Variants in FOXP1 observed in about 807,000 individuals in gnomAD.
FOXP1 encodes the protein forkhead box protein P1.
Under a neutral mutation model 98.2 loss-of-function variants are expected in FOXP1, and 15 were observed. The observed-to-expected ratio is 0.15, with a 90% CI of 0.10 to 0.24. The LOEUF (loss-of-function observed/expected upper bound fraction) is 0.24, where lower values mean the gene tolerates loss of function less well. Ranked by LOEUF, FOXP1 falls within the 10% of genes least tolerant of loss-of-function variation. FOXP1 has a pLI of 1.00. For synonymous variants in FOXP1, 371 were observed against 314.5 expected, an observed-to-expected ratio of 1.18 and a Z score of -1.90; for missense variants, 633 against 848.5, an observed-to-expected ratio of 0.75 and a Z score of 3.15.
chr3:71,543,961 C>T (rs942570439), intron 2 of FOXP1, among the ~76,000 whole-genome samples: 1 of 150,356 alleles, frequency 6.7e-6, no homozygotes, highest in Non-Finnish European at 1.5e-5. Flanking sequence ...ATATGCTGTG[C>T]CTGTGTGTGT....
At position 71,262,264 on chromosome 3, in the gene FOXP1, C is replaced by CAAAAAAAAAA. The variant is rs71104433; in HGVS notation, c.-12+37546_-12+37555dup. On this transcript the variant is annotated intron_variant, in intron 5 of 20. Transcript: ENST00000649528. ...CTGGCAACAGGACAAGACTCTGTCA[C>CAAAAAAAAAA]AAAAAAAAAAAAAAAAAAAAAAAAA... Among the ~76,000 whole-genome samples the CAAAAAAAAAA allele has an allele frequency of 1.3e-3, 33 of 25,714 alleles. 4 individuals are homozygous for CAAAAAAAAAA. Among genetic ancestry groups the CAAAAAAAAAA allele is most frequent in the East Asian group, 3.1e-3 (2 of 640 alleles). 16.9% of individuals were successfully genotyped at this position (25,714 alleles called of 152,430 possible). A position where few individuals can be genotyped will look rare whatever the true frequency, so the allele number is the denominator to read the frequency against.
intron 20 of FOXP1, among the ~76,000 whole-genome samples, chr3:70,965,233 C>T (rs2034499412): frequency 6.6e-6 from 1 of 152,242 alleles, no homozygotes; most frequent in South Asian, 2.1e-4. Context: ...CTCACAGGGG[C>T]ATCACAGTCT....
At chr3:71,153,953 T>C (rs879129917) in intron 6 of FOXP1, among the ~76,000 whole-genome samples, 2 of 152,206 alleles carry the variant, frequency 1.3e-5, no homozygotes, top group Admixed American at 6.5e-5. Flanking sequence ...ACTAGGTCCA[T>C]AGTGATTATG....
At chr3:71,409,889 C>A (rs1172277404) in intron 3 of FOXP1, among the ~76,000 whole-genome samples, 1 of 152,090 alleles carries the variant, frequency 6.6e-6, no homozygotes, top group Non-Finnish European at 1.5e-5. Flanking sequence ...GTAGCATGTG[C>A]CTGTAGTCTC....
intron 2 of FOXP1, among the ~76,000 whole-genome samples, chr3:71,535,549 A>C (rs549304901): frequency 6.6e-6 from 1 of 152,182 alleles, no homozygotes; most frequent in Non-Finnish European, 1.5e-5. Flanking sequence ...TAACAACAAC[A>C]ACAACAACAA....
At chr3:70,967,702 T>TTTTG (rs1288376546) in intron 19 of FOXP1, among the ~76,000 whole-genome samples, 16 of 119,162 alleles carry the variant, frequency 1.3e-4, no homozygotes, top group African/African-American at 6.8e-4. Context: ...TTTTTTTTGT[T>TTTTG]TTTTTTTGTT....
At chr3:71,504,997 G>C (rs2041699104) in intron 2 of FOXP1, among the ~76,000 whole-genome samples, 1 of 152,158 alleles carries the variant, frequency 6.6e-6, no homozygotes, top group South Asian at 2.1e-4. Flanking sequence ...AACGAACCAA[G>C]GCTGGTGAAG....
chr3:71,474,929 A>T (rs1265988423), intron 3 of FOXP1, among the ~76,000 whole-genome samples: 1 of 152,082 alleles, frequency 6.6e-6, no homozygotes, highest in African/African-American at 2.4e-5. Context: ...GGTGCCAACA[A>T]GGCTGGAGAA....
At chr3:71,266,560 T>C (rs1347150242) in intron 5 of FOXP1, among the ~76,000 whole-genome samples, 1 of 152,050 alleles carries the variant, frequency 6.6e-6, no homozygotes, top group Non-Finnish European at 1.5e-5. Flanking sequence ...CCCCCAACTT[T>C]TGCTTATTTT....
At chr3:71,521,518 C>A (rs550776130) in intron 2 of FOXP1, among the ~76,000 whole-genome samples, 26 of 148,394 alleles carry the variant, frequency 1.8e-4, no homozygotes, top group East Asian at 2.0e-4. Flanking sequence ...CAGAGTGAGA[C>A]CCTGTCTCAA....
intron 5 of FOXP1, among the ~76,000 whole-genome samples, chr3:71,210,498 T>G (rs994725177): frequency 6.6e-6 from 1 of 152,154 alleles, no homozygotes; most frequent in Non-Finnish European, 1.5e-5. Context: ...TAACACCTGA[T>G]GGACATGCAG....
At chr3:71,038,929 G>T (rs552641749) in intron 11 of FOXP1, among the ~76,000 whole-genome samples, 1 of 152,114 alleles carries the variant, frequency 6.6e-6, no homozygotes, top group Non-Finnish European at 1.5e-5. Flanking sequence ...GCCTCACAAA[G>T]TGCTGAGATT....
intron 3 of FOXP1, among the ~76,000 whole-genome samples, chr3:71,431,601 G>T (rs1221854307): frequency 6.6e-6 from 1 of 152,136 alleles, no homozygotes. Flanking sequence ...TGGTCCATCT[G>T]GTCCCACACA....
At chr3:71,269,195 T>C (rs560084616) in intron 5 of FOXP1, among the ~76,000 whole-genome samples, 2 of 151,092 alleles carry the variant, frequency 1.3e-5, no homozygotes, top group Non-Finnish European at 2.9e-5. Context: ...ATAAAAATCA[T>C]CTCGAAAACA....
At chr3:71,171,098 C>CT (rs11386859) in intron 6 of FOXP1, among the ~76,000 whole-genome samples, 104,118 of 145,144 alleles carry the variant, frequency 0.72, 39,404 homozygotes, top group East Asian at 0.88. Flanking sequence ...TACACACTCA[C>CT]TTTTTTTTTT....
intron 4 of FOXP1, among the ~76,000 whole-genome samples, chr3:71,358,007 C>G (rs931661200): frequency 2.6e-5 from 4 of 151,832 alleles, no homozygotes; most frequent in African/African-American, 9.7e-5. Context: ...CCTCTATTCC[C>G]AAAGCTGTTT....
rs115680457 is a variant in FOXP1, at chr3:70,984,564, T to G, written c.1146+3430A>C. Among the ~76,000 whole-genome samples, 374 of 152,334 alleles carry G rather than the reference T, an allele frequency of 2.5e-3. 1 individual carries two copies. The highest frequency in any genetic ancestry group is 8.7e-3 in the African/African-American group (362 of 41,576). On this transcript the variant is annotated intron_variant, in intron 14 of 20. Coordinates refer to ENST00000649528, the MANE Select transcript of FOXP1 (RefSeq NM_001349338.3). ...CAGGGATGGGCCTTGCTCATGTGAC[T>G]GACTACTTGTCACGTATGTCACATG...
chr3:71,152,380 C>T (rs1349528222), intron 6 of FOXP1, among the ~76,000 whole-genome samples: 4 of 152,208 alleles, frequency 2.6e-5, no homozygotes, highest in Non-Finnish European at 4.4e-5. Flanking sequence ...CAGGCCTGGC[C>T]TCCACAGAAA....
intron 6 of FOXP1, among the ~76,000 whole-genome samples, chr3:71,156,573 C>T (rs2060834152): frequency 6.6e-6 from 1 of 152,144 alleles, no homozygotes; most frequent in Non-Finnish European, 1.5e-5. Context: ...TGCAAAGGCA[C>T]AGAGGTGTCA....
Sources: allele counts gnomAD v4.1 joint callset (sites outside exome capture counted in the v4.1 genomes callset), GRCh38; gene constraint gnomAD v4.1.1; transcripts MANE v1.5; gene names NCBI Gene and HGNC (gene_info 2026-07-23, HGNC 2026-07-21).